Variants in ERCC8 observed in about 807,000 individuals in gnomAD.
The protein encoded by ERCC8 is DNA excision repair protein ERCC-8.
Under a neutral mutation model 54.9 loss-of-function variants are expected in ERCC8, and 52 were observed. The ratio of observed to expected loss-of-function variants is 0.95; its 90% CI spans 0.76 to 1.19. The LOEUF (loss-of-function observed/expected upper bound fraction) is 1.19. Ranked by LOEUF, ERCC8 falls within the 50% of genes most tolerant of loss-of-function variation. The pLI, the probability that ERCC8 is intolerant of heterozygous loss-of-function variation, is 0.00. For missense variants in ERCC8, 514 were observed against 466.1 expected, an observed-to-expected ratio of 1.10 and a Z score of -0.95; for synonymous variants, 146 against 157.2, an observed-to-expected ratio of 0.93 and a Z score of 0.53.
chr5:60,888,366 T>C (rs1380202626), intron 10 of ERCC8, among the ~76,000 whole-genome samples: 4 of 152,168 alleles, frequency 2.6e-5, no homozygotes, highest in Non-Finnish European at 5.9e-5. Flanking sequence ...AAATCTAGAC[T>C]ATAAAGTTAC....
chr5:60,878,606 G>GT (rs1239691958), intron 11 of ERCC8, among the ~76,000 whole-genome samples: 2 of 152,172 alleles, frequency 1.3e-5, no homozygotes, highest in African/African-American at 4.8e-5. Flanking sequence ...TTGGGAGGGT[G>GT]TATGTGTCCA....
intron 10 of ERCC8, among the ~76,000 whole-genome samples, chr5:60,889,699 C>T (rs926665364): frequency 1.8e-4 from 27 of 152,238 alleles, no homozygotes; most frequent in African/African-American, 5.5e-4. Flanking sequence ...GATGAAATTT[C>T]GGCTGTGTCT....
Position 60,867,453 on chromosome 5 carries a change from AT to A in ERCC8, c.*7161del, listed in dbSNP as rs908084415. Among the ~76,000 whole-genome samples the A allele has an allele frequency of 3.3e-5, 5 of 152,188 alleles. No individual in the cohort carries two copies. Among genetic ancestry groups the A allele is most frequent in the African/African-American group, 9.7e-5 (4 of 41,446 alleles). On this transcript the variant is annotated 3_prime_UTR_variant, in exon 12 of 12. Coordinates refer to ENST00000676185, the MANE Select transcript of ERCC8 (RefSeq NM_000082.4). ...TTATAAAGCCATTACAATGAAAAAA[AT>A]AATCTTACCATTCTTTAATGTCCAT...
At chr5:60,932,459 C>T (rs1388798052) in intron 1 of ERCC8, among the ~76,000 whole-genome samples, 1 of 152,112 alleles carries the variant, frequency 6.6e-6, no homozygotes, top group Non-Finnish European at 1.5e-5. Context: ...ATAGAGGGTG[C>T]CTTTATGAAC....
At chr5:60,885,613 T>C (rs923613112) in intron 11 of ERCC8, among the ~76,000 whole-genome samples, 1 of 152,240 alleles carries the variant, frequency 6.6e-6, no homozygotes, top group East Asian at 1.9e-4. Context: ...TATGCTAAAG[T>C]TAATCAAGCC....
In ERCC8 at chr5:60,890,928, A is replaced by T; in HGVS notation, c.1002T>A (p.Tyr334Ter). The change falls in exon 10 of 12, where the codon TAT becomes TAA. Residue 334 changes from tyrosine to a stop codon, truncating the protein, a stop_gained. Transcript: ENST00000676185. LOFTEE classifies it high-confidence loss of function. ...GAAATACACAGCAGTCAACAGTTTT[A>T]TAATGTCCCTTAAGCATAGTTATCT... ...GEQITMLKGHYKTVDCCVFQS... is the reference protein window; with the variant it reads ...GEQITMLKGH The T allele has an allele frequency of 6.2e-7, 1 of 1,613,676 alleles. No individual in the cohort carries two copies. Among genetic ancestry groups the T allele is most frequent in the South Asian group, 1.1e-5 (1 of 91,066 alleles).
At chr5:60,893,317 G>T in intron 9 of ERCC8, 1 of 883,670 alleles carries the variant, frequency 1.1e-6, no homozygotes, top group Non-Finnish European at 1.9e-6. Context: ...ACTCCTCCTG[G>T]CGTCTTAGGA....
Position 60,870,482 on chromosome 5 carries a change from TAA to T in ERCC8, c.*4131_*4132del, listed in dbSNP as rs57423118. 1.2e-4 allele frequency among the ~76,000 whole-genome samples: 6 copies of T among 48,786 alleles called. No individual in the cohort carries two copies. Among genetic ancestry groups the T allele is most frequent in the African/African-American group, 3.0e-4 (3 of 10,060 alleles). The allele number at this position is 48,786 out of a possible 152,430, so 32.0% of individuals were successfully genotyped here. The stretch of plus-strand genomic sequence containing the variant: ...CAACATGGTGAAACCCCACCTCTGC[TAA>T]AAAAAAAAAAAAAAAAAAAAAAAAA... On this transcript the variant is annotated 3_prime_UTR_variant, in exon 12 of 12. Transcript: ENST00000676185.
chr5:60,938,070 T>G (rs1235957669), intron 1 of ERCC8, among the ~76,000 whole-genome samples: 1 of 35,086 alleles, frequency 2.9e-5, no homozygotes, highest in Non-Finnish European at 7.1e-5. Context: ...TATATATATA[T>G]ATATATATAT....
At position 60,911,184 on chromosome 5, in the gene ERCC8, A is replaced by C. The variant is rs908654783; in HGVS notation, c.400-6311T>G. On this transcript the variant is annotated intron_variant, in intron 4 of 11. Transcript: ENST00000676185. ...CATTAACTCATCATTTACATTAGGT[A>C]TTTCTCCTAATGCTATCCCTCCCCC... is the stretch of plus-strand genomic sequence containing the variant. Among the ~76,000 whole-genome samples, 10 of 151,982 alleles carry C rather than the reference A, an allele frequency of 6.6e-5. No individual in the cohort carries two copies. In the East Asian group the frequency reaches 1.9e-3, roughly 29 times the overall value.
intron 11 of ERCC8, among the ~76,000 whole-genome samples, chr5:60,882,736 G>A (rs1441614332): frequency 6.6e-6 from 1 of 151,972 alleles, no homozygotes; most frequent in African/African-American, 2.4e-5. Context: ...TTCTAGCCAC[G>A]GTACACTTAT....
rs1747939717 is a variant in ERCC8 at position 60,874,554 on chromosome 5, A to C, written c.*61T>G. The stretch of plus-strand genomic sequence containing the variant: ...CTGTCAGGAATAGACCATACAGTTG[A>C]AAAAAACACAGTCTCATTTAAAAAG... On this transcript the variant is annotated 3_prime_UTR_variant, in exon 12 of 12. Transcript: ENST00000676185. 2 of 1,470,104 alleles carry C rather than the reference A, an allele frequency of 1.4e-6. No homozygotes were observed. Among genetic ancestry groups the C allele is most frequent in the Admixed American group, 1.7e-5 (1 of 58,278 alleles). 91.1% of individuals were successfully genotyped at this position (1,470,104 alleles called of 1,614,324 possible).
intron 11 of ERCC8, among the ~76,000 whole-genome samples, chr5:60,880,668 G>T (rs1748184065): frequency 6.6e-6 from 1 of 152,120 alleles, no homozygotes; most frequent in Non-Finnish European, 1.5e-5. Context: ...AGCTACTGAG[G>T]CTTGAACATT....
chr5:60,937,371 T>C (rs1455527857), intron 1 of ERCC8, among the ~76,000 whole-genome samples: 1 of 152,140 alleles, frequency 6.6e-6, no homozygotes, highest in Non-Finnish European at 1.5e-5. Context: ...GGAGATTATG[T>C]CTTTTGTCTT....
chr5:60,898,525 T>A lies in ERCC8; in HGVS notation c.719-125A>T, dbSNP rs1748783558. ...TTACTTAAAAAATGTAAGTAGATTA[T>A]ACTTAACCAACCCTTCAGATTATTT... On this transcript the variant is annotated intron_variant, in intron 8 of 11. Transcript: ENST00000676185. 6.0e-6 allele frequency: 6 copies of A among 1,005,736 alleles called. No homozygotes were observed. The South Asian group carries it at 6.9e-5, about 12-fold the overall frequency. The allele number at this position is 1,005,736 out of a possible 1,614,324, so 62.3% of individuals were successfully genotyped here.
At chr5:60,899,556 G>T in intron 8 of ERCC8, 71 bp downstream of exon 8, 1 of 1,107,538 alleles carries the variant, frequency 9.0e-7, no homozygotes, top group Non-Finnish European at 1.4e-6. Flanking sequence ...TTTATTATGT[G>T]GCTTCAATTA....
At chr5:60,918,674 G>T in intron 3 of ERCC8, 1 of 408,426 alleles carries the variant, frequency 2.4e-6, no homozygotes, top group Admixed American at 3.9e-5. Flanking sequence ...CAACTACACT[G>T]GTCTTCTTTC....
At chr5:60,886,842 C>T (rs1307993527) in intron 11 of ERCC8, among the ~76,000 whole-genome samples, 2 of 151,842 alleles carry the variant, frequency 1.3e-5, no homozygotes, top group Admixed American at 1.3e-4. Flanking sequence ...GAAATATTAA[C>T]AATTTTTGAA....
intron 2 of ERCC8, among the ~76,000 whole-genome samples, chr5:60,924,890 G>A (rs1472003723): frequency 1.3e-5 from 2 of 151,910 alleles, no homozygotes; most frequent in South Asian, 2.1e-4. Context: ...TCTCATTTCT[G>A]AGGTTTTCTA....
Sources: allele counts gnomAD v4.1 joint callset (sites outside exome capture counted in the v4.1 genomes callset), GRCh38; gene constraint gnomAD v4.1.1; transcripts MANE v1.5; gene names NCBI Gene and HGNC (gene_info 2026-07-23, HGNC 2026-07-21).